Variants in ABI1 observed in about 807,000 individuals in gnomAD.
ABI1 encodes the protein abl interactor 1.
ABI1 carries 14 observed loss-of-function variants against 54.6 expected under a neutral mutation model. The observed-to-expected ratio is 0.26, with a 90% CI of 0.17 to 0.40. The LOEUF (loss-of-function observed/expected upper bound fraction) is 0.40, where lower values mean the gene tolerates loss of function less well. ABI1 is among the 10% of genes least tolerant of loss of function. The pLI is 1.00. For synonymous variants in ABI1, 194 were observed against 209.3 expected (o/e 0.93, Z 0.63); for missense variants, 443 against 598.3 (o/e 0.74, Z 2.71).
At chr10:26,821,294 GAAAAGA>G in intron 2 of ABI1, among the ~76,000 whole-genome samples, 1 of 146,678 alleles carries the variant, frequency 6.8e-6, no homozygotes, top group East Asian at 2.0e-4. Context: ...CCAAGGTAAG[GAAAAGA>G]AAAAGAAATA....
At chr10:26,843,735 G>A (rs547472587) in intron 1 of ABI1, among the ~76,000 whole-genome samples, 5 of 135,470 alleles carry the variant, frequency 3.7e-5, no homozygotes, top group African/African-American at 1.5e-4. Context: ...CAAGGTAGGA[G>A]AGGTAGGATG....
chr10:26,789,289 AAGG>A (rs1843127120), intron 2 of ABI1: 2 of 152,378 alleles, frequency 1.3e-5, no homozygotes, highest in African/African-American at 2.4e-5. Flanking sequence ...TCAGCACCTG[AAGG>A]AGAAGAGACA....
intron 2 of ABI1, among the ~76,000 whole-genome samples, chr10:26,815,894 G>A (rs2047532867): frequency 1.3e-5 from 2 of 152,156 alleles, no homozygotes; most frequent in East Asian, 1.9e-4. Context: ...CTGAGCAACA[G>A]AACAGGATTC....
At chr10:26,839,825 C>G in intron 1 of ABI1, 1 of 698,110 alleles carries the variant, frequency 1.4e-6, no homozygotes, top group Middle Eastern at 2.7e-4. Context: ...AAAGTTTGCA[C>G]TTTAAAGATG....
At chr10:26,827,883 G>A (rs915108879) in intron 1 of ABI1, among the ~76,000 whole-genome samples, 1 of 152,110 alleles carries the variant, frequency 6.6e-6, no homozygotes, top group African/African-American at 2.4e-5. Flanking sequence ...GTGAGCCACC[G>A]CACCCGGCCA....
intron 1 of ABI1, among the ~76,000 whole-genome samples, chr10:26,832,112 A>C (rs1346990458): frequency 6.6e-6 from 1 of 152,218 alleles, no homozygotes; most frequent in Non-Finnish European, 1.5e-5. Context: ...AATTCACATA[A>C]GCACAAACAA....
chr10:26,763,369 A>G (rs1839480958), intron 7 of ABI1, among the ~76,000 whole-genome samples: 1 of 152,206 alleles, frequency 6.6e-6, no homozygotes, highest in Non-Finnish European at 1.5e-5. Flanking sequence ...AACAATTTAA[A>G]TGCATTTTAT....
Position 26,838,118 on chromosome 10 carries a change from C to T in ABI1, c.118-14813G>A, listed in dbSNP as rs929232118. Among the ~76,000 whole-genome samples, 5 of 150,924 alleles carry T rather than the reference C, an allele frequency of 3.3e-5. No homozygotes were observed. The South Asian group carries it at 6.3e-4, about 19-fold the overall frequency. ...AGCTCACTGCAACCTCCATCTCCTG[C>T]GTTCAAGCGATTCTAATGCCTCAGC... On this transcript the variant is annotated intron_variant, in intron 1 of 10. Transcript: ENST00000376140.
rs2048094164 is a variant in ABI1 at position 26,823,153 on chromosome 10, G to A, written c.270C>T (p.Ile90=). The A allele has an allele frequency of 6.3e-7, 1 of 1,596,990 alleles. No individual in the cohort carries two copies. Among genetic ancestry groups the A allele is most frequent in the Non-Finnish European group, 8.5e-7 (1 of 1,175,118 alleles). ...ASQLRRMESS[I]NHISQTVDIH... Reference sequence around the variant, plus strand: ...AAGCTGTTACCTGTGAGATATGATTGATGGAAGACTCCATTCTCCGAAGCT... The same window carrying A: ...AAGCTGTTACCTGTGAGATATGATTAATGGAAGACTCCATTCTCCGAAGCT... Residue 90 remains isoleucine, a synonymous_variant, in exon 2 of 11, where the codon ATC becomes ATT. Coordinates refer to ENST00000376140, the MANE Select transcript of ABI1 (RefSeq NM_001012750.3).
intron 8 of ABI1, among the ~76,000 whole-genome samples, chr10:26,758,591 T>C (rs1199826442): frequency 6.6e-6 from 1 of 152,206 alleles, no homozygotes; most frequent in Non-Finnish European, 1.5e-5. Flanking sequence ...ACAGTTTTAA[T>C]CGGTTTTGAA....
chr10:26,771,593 C>T (rs1840699278), intron 3 of ABI1, among the ~76,000 whole-genome samples: 1 of 152,070 alleles, frequency 6.6e-6, no homozygotes, highest in South Asian at 2.1e-4. Context: ...CCACAGATTG[C>T]TTCCAAAAAT....
intron 1 of ABI1, among the ~76,000 whole-genome samples, chr10:26,853,290 C>A (rs1391230939): frequency 1.6e-5 from 2 of 125,650 alleles, no homozygotes; most frequent in African/African-American, 3.5e-5. Flanking sequence ...TCTTATTTCT[C>A]AACAATGCCC....
rs2132600307 is a variant in ABI1, at chr10:26,762,594, T to C, written c.820+2624A>G. 2.0e-5 allele frequency among the ~76,000 whole-genome samples: 3 copies of C among 152,296 alleles called. 1 individual carries two copies. In the South Asian group the frequency reaches 6.2e-4, roughly 32 times the overall value. ...TATTAGATACTGAAACTGATATATC[T>C]TTAAAACATATGAATACACAAGTAC... On this transcript the variant is annotated intron_variant, in intron 7 of 10. Transcript: ENST00000376140.
chr10:26,759,241 GA>G lies in ABI1; in HGVS notation c.821-4del. 6.2e-7 allele frequency: 1 copy of G among 1,612,994 alleles called. No individual in the cohort carries two copies. Among genetic ancestry groups the G allele is most frequent in the Non-Finnish European group, 8.5e-7 (1 of 1,179,526 alleles). On this transcript the variant is annotated splice_polypyrimidine_tract_variant and splice_region_variant and intron_variant, in intron 7 of 10. Transcript: ENST00000376140. ...ACCAGGAGCTGAGCCCGGGGCTGCTGAAAAGCATTAGTCAAAGGCAACCAAC... is the reference window on the plus strand; with the variant it reads ...ACCAGGAGCTGAGCCCGGGGCTGCTGAAAGCATTAGTCAAAGGCAACCAAC...
chr10:26,770,110 T>A (rs1408190160), intron 5 of ABI1, 135 bp downstream of exon 5: 1 of 658,000 alleles, frequency 1.5e-6, no homozygotes. Flanking sequence ...AAAATAGGAA[T>A]TAAAATGAAT....
chr10:26,805,242 T>C (rs762144458), intron 2 of ABI1, among the ~76,000 whole-genome samples: 16 of 152,100 alleles, frequency 1.1e-4, no homozygotes, highest in Non-Finnish European at 2.1e-4. Context: ...TAAAAATCCA[T>C]TTCCAGACTT....
chr10:26,768,675 AAACAG>A (rs1386276066), intron 6 of ABI1, among the ~76,000 whole-genome samples, 172 bp downstream of exon 6: 1 of 152,236 alleles, frequency 6.6e-6, no homozygotes, highest in East Asian at 1.9e-4. Context: ...AAACAAAACA[AAACAG>A]AAGTTATAAC....
chr10:26,844,046 T>C (rs2049792851), intron 1 of ABI1, among the ~76,000 whole-genome samples: 1 of 152,206 alleles, frequency 6.6e-6, no homozygotes, highest in Non-Finnish European at 1.5e-5. Flanking sequence ...TATTTTCAAA[T>C]CTGGGAAACA....
In ABI1 at chr10:26,777,191, C is replaced by T; in HGVS notation, c.336G>A (p.Leu112=). The change falls in exon 3 of 11, where the codon TTG becomes TTA. Residue 112 remains leucine, a synonymous_variant. Transcript: ENST00000376140. ...EKVARREIGI[L]TTNKNTSRTH... is the part of the protein sequence containing the mutation. ...TTCTTGATGTATTCTTATTTGTTGTCAAAATACCAATCTCTCTTCGTGCCA... is the reference window on the plus strand; with the variant it reads ...TTCTTGATGTATTCTTATTTGTTGTTAAAATACCAATCTCTCTTCGTGCCA... The T allele has an allele frequency of 1.2e-6, 2 of 1,613,106 alleles. No individual in the cohort carries two copies. Among genetic ancestry groups the T allele is most frequent in the Non-Finnish European group, 1.7e-6 (2 of 1,179,690 alleles).
Sources: gnomAD v4.1 joint callset for allele counts (sites outside exome capture counted in the v4.1 genomes callset) on GRCh38, gnomAD v4.1.1 for gene constraint, MANE v1.5 for transcripts, NCBI Gene and HGNC (gene_info 2026-07-23, HGNC 2026-07-21) for gene names.